Variants in CNTN4 observed in about 807,000 individuals in gnomAD.
The protein encoded by CNTN4 is contactin 4.
CNTN4 carries 77 observed loss-of-function variants against 122.5 expected under a neutral mutation model. The observed-to-expected ratio is 0.63, with a 90% confidence interval of 0.52 to 0.76. The LOEUF (loss-of-function observed/expected upper bound fraction) is 0.76. Among genes scored for constraint, CNTN4 ranks in the 30% least tolerant of loss-of-function variants. CNTN4 has a pLI of 0.00. For synonymous variants in CNTN4, 512 were observed against 447.0 expected (o/e 1.15, Z -1.83); for missense variants, 1,256 against 1,259.1 (o/e 1.00, Z 0.04).
At chr3:2,660,006 T>C (rs2083800239) in intron 4 of CNTN4, among the ~76,000 whole-genome samples, 1 of 152,196 alleles carries the variant, frequency 6.6e-6, no homozygotes, top group African/African-American at 2.4e-5. Flanking sequence ...GCTTTTAAAA[T>C]AGCATGACGA....
chr3:2,185,328 C>G (rs912684468), intron 2 of CNTN4, among the ~76,000 whole-genome samples: 3 of 152,136 alleles, frequency 2.0e-5, no homozygotes, highest in Non-Finnish European at 4.4e-5. Flanking sequence ...AGTGCTTTCC[C>G]TCTAGTGTGT....
chr3:2,614,167 A>C (rs2081614388), intron 4 of CNTN4, among the ~76,000 whole-genome samples: 1 of 152,146 alleles, frequency 6.6e-6, no homozygotes, highest in African/African-American at 2.4e-5. Flanking sequence ...TTAAGCTGAA[A>C]TCTAAATGAC....
chr3:2,724,795 A>G (rs902401005), intron 4 of CNTN4, among the ~76,000 whole-genome samples: 3 of 152,178 alleles, frequency 2.0e-5, no homozygotes, highest in Non-Finnish European at 4.4e-5. Context: ...GAAGGGCTTA[A>G]AACAGATAGT....
intron 3 of CNTN4, among the ~76,000 whole-genome samples, chr3:2,384,890 T>C (rs149716010): frequency 0.018 from 2,759 of 152,262 alleles, 59 homozygotes; most frequent in South Asian, 0.069. Flanking sequence ...TTTTTGTTAG[T>C]GCACTGCCTT....
intron 4 of CNTN4, among the ~76,000 whole-genome samples, chr3:2,674,165 GTACT>G (rs1182578294): frequency 5.3e-5 from 8 of 152,280 alleles, no homozygotes; most frequent in Admixed American, 2.0e-4. Flanking sequence ...GATAATTGAA[GTACT>G]TACCGCATAC....
intron 4 of CNTN4, among the ~76,000 whole-genome samples, chr3:2,732,903 C>CT (rs2088806722): frequency 6.6e-6 from 1 of 152,058 alleles, no homozygotes; most frequent in Non-Finnish European, 1.5e-5. Context: ...ATACTATTCC[C>CT]TTTATGCTAA....
chr3:2,664,799 A>G (rs1404354161), intron 4 of CNTN4, among the ~76,000 whole-genome samples: 1 of 152,204 alleles, frequency 6.6e-6, no homozygotes, highest in African/African-American at 2.4e-5. Flanking sequence ...TTAGTATGCG[A>G]TGACACAAAC....
intron 2 of CNTN4, among the ~76,000 whole-genome samples, chr3:2,264,324 T>C (rs548633907): frequency 6.6e-6 from 1 of 152,254 alleles, no homozygotes; most frequent in East Asian, 1.9e-4. Context: ...TGGGGTGAGG[T>C]TATTTCTCAC....
At chr3:2,769,808 T>C (rs550487052) in intron 6 of CNTN4, among the ~76,000 whole-genome samples, 2 of 152,258 alleles carry the variant, frequency 1.3e-5, no homozygotes, top group East Asian at 3.9e-4. Flanking sequence ...TTAGAAATCA[T>C]CAGCGGAGCC....
intron 3 of CNTN4, among the ~76,000 whole-genome samples, chr3:2,374,218 C>T (rs892507131): frequency 6.6e-6 from 1 of 152,110 alleles, no homozygotes; most frequent in East Asian, 1.9e-4. Flanking sequence ...AATGAATTGG[C>T]TTGTGTGGAA....
chr3:2,667,134 T>C (rs1196046199), intron 4 of CNTN4, among the ~76,000 whole-genome samples: 2 of 152,198 alleles, frequency 1.3e-5, no homozygotes, highest in African/African-American at 2.4e-5. Flanking sequence ...TCAAATGGTA[T>C]TTCTAGTTCT....
intron 14 of CNTN4, among the ~76,000 whole-genome samples, chr3:2,996,110 G>C (rs1559767169): frequency 6.6e-6 from 1 of 152,118 alleles, no homozygotes; most frequent in Non-Finnish European, 1.5e-5. Flanking sequence ...TATTTGGAGG[G>C]AGGATGCCTG....
intron 3 of CNTN4, among the ~76,000 whole-genome samples, chr3:2,388,955 C>T (rs867833327): frequency 6.6e-6 from 1 of 151,946 alleles, no homozygotes; most frequent in Non-Finnish European, 1.5e-5. Context: ...GTCAGGAGTT[C>T]GAGACCAGCC....
At chr3:2,977,599 A>C (rs902702434) in intron 13 of CNTN4, among the ~76,000 whole-genome samples, 5 of 152,124 alleles carry the variant, frequency 3.3e-5, no homozygotes, top group African/African-American at 1.2e-4. Context: ...AAGGAGGCTG[A>C]GCAGTGGGCA....
At chr3:2,173,612 G>C (rs988817532) in intron 2 of CNTN4, among the ~76,000 whole-genome samples, 2 of 152,096 alleles carry the variant, frequency 1.3e-5, no homozygotes, top group East Asian at 3.9e-4. Context: ...AGTTGAAGTT[G>C]GTTATACTAT....
At chr3:2,204,558 A>G (rs1441605634) in intron 2 of CNTN4, among the ~76,000 whole-genome samples, 6 of 152,228 alleles carry the variant, frequency 3.9e-5, no homozygotes, top group African/African-American at 9.6e-5. Flanking sequence ...CACAAAACTC[A>G]TAAACACAAC....
intron 3 of CNTN4, among the ~76,000 whole-genome samples, chr3:2,559,339 C>T (rs889741079): frequency 2.0e-5 from 3 of 152,108 alleles, no homozygotes; most frequent in Admixed American, 1.3e-4. Context: ...AATGTCAGTA[C>T]TATCAGCCCT....
chr3:2,849,246 A>G (rs1326478411), intron 7 of CNTN4, among the ~76,000 whole-genome samples: 1 of 152,160 alleles, frequency 6.6e-6, no homozygotes, highest in Non-Finnish European at 1.5e-5. Context: ...GGCCCACATG[A>G]AGCATTTGTT....
chr3:2,779,435 G>A (rs978734070), intron 6 of CNTN4, among the ~76,000 whole-genome samples: 6 of 152,200 alleles, frequency 3.9e-5, no homozygotes, highest in Non-Finnish European at 8.8e-5. Flanking sequence ...CTGGGCTCAA[G>A]CAATCTTCCT....
Sources: gnomAD v4.1 joint callset for allele counts (sites outside exome capture counted in the v4.1 genomes callset) on GRCh38, gnomAD v4.1.1 for gene constraint, MANE v1.5 for transcripts, NCBI Gene and HGNC (gene_info 2026-07-23, HGNC 2026-07-21) for gene names.